The following USP37 variants were observed in gnomAD, a reference collection of about 807,000 sequenced individuals.
The protein encoded by USP37 is ubiquitin specific peptidase 37.
A neutral mutation model predicts 124.0 loss-of-function variants in USP37; 27 were observed. That is an observed-to-expected ratio of 0.22 (90% CI 0.16 to 0.30). The LOEUF (loss-of-function observed/expected upper bound fraction) is 0.30. USP37 is among the 10% of genes least tolerant of loss of function. The pLI is 1.00. For missense variants in USP37, 889 were observed against 1,140.4 expected, an observed-to-expected ratio of 0.78 and a Z score of 3.17; for synonymous variants, 365 against 388.0, an observed-to-expected ratio of 0.94 and a Z score of 0.70.
intron 1 of USP37, 107 bp from the exon 2 acceptor site, chr2:218,562,920 T>A (rs1180882621): frequency 2.6e-6 from 1 of 383,812 alleles, no homozygotes; most frequent in African/African-American, 2.1e-5. Flanking sequence ...TCCCAGCACT[T>A]TGAGAGGTGG....
Position 218,463,296 on chromosome 2 carries a change from A to G in USP37, c.2527+10T>C, listed in dbSNP as rs1216552998. 2 of 1,613,038 alleles carry G rather than the reference A, an allele frequency of 1.2e-6. No homozygotes were observed. Among genetic ancestry groups the G allele is most frequent in the African/African-American group, 2.7e-5 (2 of 74,814 alleles). On this transcript the variant is annotated intron_variant, in intron 22 of 25. Transcript: ENST00000258399. ...CCATTAAAAAAATGTAATTAAAAAG[A>G]TCTCCACACCTTGAAGACTTAACTC... is the stretch of plus-strand genomic sequence containing the variant.
intron 15 of USP37, 73 bp downstream of exon 15, chr2:218,488,228 CCAA>C: frequency 1.2e-6 from 1 of 840,888 alleles, no homozygotes; most frequent in Non-Finnish European, 1.7e-6. Flanking sequence ...CTTGAAGAAA[CCAA>C]CTTCAAATAT....
intron 22 of USP37, among the ~76,000 whole-genome samples, chr2:218,461,047 A>C (rs1689992893): frequency 1.3e-5 from 2 of 152,182 alleles, no homozygotes; most frequent in Non-Finnish European, 2.9e-5. Context: ...AAACAAATAC[A>C]AGATCTGTAT....
At chr2:218,546,750 T>G (rs1426582647) in intron 7 of USP37, among the ~76,000 whole-genome samples, 169 bp downstream of exon 7, 1 of 152,208 alleles carries the variant, frequency 6.6e-6, no homozygotes, top group Non-Finnish European at 1.5e-5. Context: ...TATATTTGTA[T>G]GCTTAATACA....
At chr2:218,503,808 C>G (rs1239945067) in intron 11 of USP37, among the ~76,000 whole-genome samples, 1 of 151,812 alleles carries the variant, frequency 6.6e-6, no homozygotes, top group South Asian at 2.1e-4. Context: ...AAAATGAACA[C>G]AAAGGAAAGA....
At chr2:218,460,476 TAAG>T (rs1281440013) in intron 22 of USP37, among the ~76,000 whole-genome samples, 2 of 152,148 alleles carry the variant, frequency 1.3e-5, no homozygotes, top group Admixed American at 6.5e-5. Context: ...CTAACCCTTA[TAAG>T]AAAGATATAA....
intron 8 of USP37, 110 bp downstream of exon 8, chr2:218,546,111 C>T: frequency 1.1e-6 from 1 of 903,232 alleles, no homozygotes; most frequent in Non-Finnish European, 1.7e-6. Flanking sequence ...GCTCTTCCAT[C>T]TTTGGAATTC....
chr2:218,476,113 A>G (rs1481190614), intron 19 of USP37, among the ~76,000 whole-genome samples: 2 of 152,208 alleles, frequency 1.3e-5, no homozygotes, highest in Non-Finnish European at 2.9e-5. Flanking sequence ...AATAAAATAC[A>G]GTAGCATAAG....
At chr2:218,505,608 G>T (rs576634102) in intron 11 of USP37, among the ~76,000 whole-genome samples, 2 of 152,284 alleles carry the variant, frequency 1.3e-5, no homozygotes, top group South Asian at 4.1e-4. Flanking sequence ...TCTTGAAAAT[G>T]ATGTTAGTGT....
intron 8 of USP37, among the ~76,000 whole-genome samples, chr2:218,537,006 T>C (rs1022055000): frequency 6.6e-6 from 1 of 152,198 alleles, no homozygotes; most frequent in African/African-American, 2.4e-5. Flanking sequence ...ATAGATCGTA[T>C]TGGGGTAATG....
intron 8 of USP37, among the ~76,000 whole-genome samples, chr2:218,543,528 A>C (rs1379972958): frequency 3.8e-5 from 5 of 132,196 alleles, no homozygotes; most frequent in African/African-American, 1.4e-4. Flanking sequence ...AAAAAAAAAA[A>C]CAGGACAGGC....
chr2:218,550,438 T>G (rs1692598896), intron 5 of USP37, among the ~76,000 whole-genome samples: 1 of 82,540 alleles, frequency 1.2e-5, no homozygotes, highest in Non-Finnish European at 2.4e-5. Flanking sequence ...TAAAAATATT[T>G]TATAATTAAT....
chr2:218,547,389 G>A (rs922794374), intron 6 of USP37, among the ~76,000 whole-genome samples: 2 of 138,856 alleles, frequency 1.4e-5, no homozygotes, highest in Non-Finnish European at 3.1e-5. Flanking sequence ...TAGTTGATCT[G>A]CGGTAAGGCT....
At chr2:218,488,833 C>T (rs1040003179) in intron 14 of USP37, among the ~76,000 whole-genome samples, 11 of 151,968 alleles carry the variant, frequency 7.2e-5, no homozygotes, top group African/African-American at 2.4e-4. Flanking sequence ...CGGGGTTTCT[C>T]CATGTTGGTT....
At chr2:218,469,345 A>G (rs937098082) in intron 20 of USP37, among the ~76,000 whole-genome samples, 1 of 152,146 alleles carries the variant, frequency 6.6e-6, no homozygotes, top group African/African-American at 2.4e-5. Context: ...CGCCTGCTGA[A>G]CTGGGAATGG....
intron 10 of USP37, among the ~76,000 whole-genome samples, chr2:218,525,868 T>A (rs1690928553): frequency 6.6e-6 from 1 of 152,154 alleles, no homozygotes; most frequent in African/African-American, 2.4e-5. Flanking sequence ...AGCCCCAGTG[T>A]GTGTTGTTCT....
At chr2:218,476,585 T>C (rs1220801324) in intron 19 of USP37, among the ~76,000 whole-genome samples, 1 of 152,096 alleles carries the variant, frequency 6.6e-6, no homozygotes, top group African/African-American at 2.4e-5. Context: ...AAAAAACTGC[T>C]ACCAAAATAA....
intron 15 of USP37, among the ~76,000 whole-genome samples, chr2:218,487,556 G>A (rs1325673628): frequency 6.6e-6 from 1 of 152,020 alleles, no homozygotes; most frequent in African/African-American, 2.4e-5. Flanking sequence ...GATTAGCTGG[G>A]ACTACAGGCA....
intron 4 of USP37, among the ~76,000 whole-genome samples, chr2:218,556,928 G>T (rs907216800): frequency 1.3e-5 from 2 of 151,814 alleles, no homozygotes; most frequent in African/African-American, 4.8e-5. Flanking sequence ...GCTTTGTCAC[G>T]CAGGCTGGAG....
Sources: gnomAD v4.1 joint callset for allele counts (sites outside exome capture counted in the v4.1 genomes callset) on GRCh38, gnomAD v4.1.1 for gene constraint, MANE v1.5 for transcripts, NCBI Gene and HGNC (gene_info 2026-07-23, HGNC 2026-07-21) for gene names.